Variants in TBX3 observed in about 807,000 individuals in gnomAD.
TBX3 encodes T-box transcription factor TBX3.
A neutral mutation model predicts 47.8 loss-of-function variants in TBX3; 11 were observed. That is an observed-to-expected ratio of 0.23 (90% CI 0.14 to 0.38). The LOEUF is 0.38. Ranked by LOEUF, TBX3 falls within the 10% of genes least tolerant of loss-of-function variation. The pLI, the probability that TBX3 is intolerant of heterozygous loss-of-function variation, is 1.00. For synonymous variants in TBX3, 500 were observed against 449.3 expected (o/e 1.11, Z -1.43); for missense variants, 927 against 1,022.8 (o/e 0.91, Z 1.28).
chr12:114,679,859 G>T, intron 2 of TBX3: 1 of 1,590,972 alleles, frequency 6.3e-7, no homozygotes, highest in East Asian at 2.2e-5. Context: ...TTGCCAAAGG[G>T]CCCCCCCCAC....
At chr12:114,672,587 A>G (rs1473761180) in intron 6 of TBX3, among the ~76,000 whole-genome samples, 1 of 152,038 alleles carries the variant, frequency 6.6e-6, no homozygotes, top group African/African-American at 2.4e-5. Context: ...AAACAGGGAA[A>G]TCATAAGTAA....
intron 1 of TBX3, 120 bp from the exon 2 acceptor site, chr12:114,681,266 A>C (rs1868914594): frequency 7.3e-7 from 1 of 1,379,134 alleles, no homozygotes; most frequent in African/African-American, 1.5e-5. Flanking sequence ...GTGACTGATA[A>C]GCTTACATGT....
chr12:114,674,495 C>T lies in TBX3; in HGVS notation c.1380G>A (p.Ala460=), dbSNP rs982465649. ...CCGCGTCCGTCTGCACCGTGAGCGG[C>T]GCGAAGGCCTCCTTGCCCGGGAGCG... The part of the protein sequence containing the change: ...ARALPGKEAF[A]PLTVQTDAAA... The change falls in exon 6 of 7, where the codon GCG becomes GCA. Residue 460 remains alanine (A), a synonymous_variant. Coordinates refer to ENST00000349155, the MANE Select transcript of TBX3 (RefSeq NM_005996.4). 1 of 1,518,708 alleles carries T rather than the reference C, an allele frequency of 6.6e-7. No individual in the cohort carries two copies. 94.1% of individuals were successfully genotyped at this position (1,518,708 alleles called of 1,614,324 possible). A position where few individuals can be genotyped will look rare whatever the true frequency, so the allele number is the denominator to read the frequency against.
At position 114,674,733 on chromosome 12, in the gene TBX3, T is replaced by G; in HGVS notation, c.1142A>C (p.Glu381Ala). The change falls in exon 6 of 7, where the codon GAG becomes GCG. Residue 381 changes from glutamate (E) to alanine (A), a missense_variant. This residue lies in a region of TBX3 where 623 missense variants were observed against 569.0 expected (regional missense o/e 1.09). Coordinates refer to ENST00000349155, the MANE Select transcript of TBX3 (RefSeq NM_005996.4). ...GCTGCCCTTGTCACGGCAGGGCTCCTCCGACGTGGTGGTGGAGATCTTGGC... is the reference window on the plus strand; with the variant it reads ...GCTGCCCTTGTCACGGCAGGGCTCCGCCGACGTGGTGGTGGAGATCTTGGC... ...DAAKISTTTS[E>A]EPCRDKGSPA... is the part of the protein sequence containing the mutation. 6.3e-7 allele frequency: 1 copy of G among 1,597,548 alleles called. No homozygotes were observed. Among genetic ancestry groups the G allele is most frequent in the Non-Finnish European group, 8.5e-7 (1 of 1,176,148 alleles).
chr12:114,674,628 C>A lies in TBX3; in HGVS notation c.1247G>T (p.Arg416Leu), dbSNP rs2121384685. 1 of 1,605,658 alleles carries A rather than the reference C, an allele frequency of 6.2e-7. No individual in the cohort carries two copies. Among genetic ancestry groups the A allele is most frequent in the Non-Finnish European group, 8.5e-7 (1 of 1,177,978 alleles). ...GGACGAGATGGTGGCGGGGCTATGG[C>A]GTGAGTCGGGCGACGCTTTGTCCAG... is the stretch of plus-strand genomic sequence containing the variant. The part of the protein sequence containing the change: ...GRLDKASPDS[R>L]HSPATISSST... The change falls in exon 6 of 7, where the codon CGC becomes CTC. Residue 416 changes from arginine to leucine, a missense_variant. Around this residue, in one of 5 missense-constraint regions of TBX3, gnomAD observed 623 missense variants for 569.0 expected, o/e 1.09. Coordinates refer to ENST00000349155, the MANE Select transcript of TBX3 (RefSeq NM_005996.4).
Position 114,679,486 on chromosome 12 carries a change from GA to G in TBX3, c.804+18del, listed in dbSNP as rs568882435. 162 of 1,613,990 alleles carry G rather than the reference GA, an allele frequency of 1.0e-4. No individual in the cohort carries two copies. Among genetic ancestry groups the G allele is most frequent in the Non-Finnish European group, 1.3e-4 (148 of 1,180,024 alleles). On this transcript the variant is annotated intron_variant, in intron 3 of 6. Transcript: ENST00000349155. ...AAGGCAAAATATCACCATTAAAAAG[GA>G]AAGCCCCTTGAGTTTACCTTATCAT...
In TBX3 at chr12:114,671,715, C is replaced by T. The variant is rs535005424; in HGVS notation, c.*126G>A. The T allele has an allele frequency of 3.5e-4, 444 of 1,268,996 alleles. 2 individuals carry two copies. The Middle Eastern group carries it at 3.9e-3, about 11-fold the overall frequency. The allele number at this position is 1,268,996 out of a possible 1,614,324, so 78.6% of individuals were successfully genotyped here. On this transcript the variant is annotated 3_prime_UTR_variant, in exon 7 of 7. Coordinates refer to ENST00000349155, the MANE Select transcript of TBX3 (RefSeq NM_005996.4). Reference sequence around the variant, plus strand: ...ACATTCTCTCGAGGGAGTCCGGGGCCCCTTCCCAGACGCAACTGCAAAAGG... The same window carrying T: ...ACATTCTCTCGAGGGAGTCCGGGGCTCCTTCCCAGACGCAACTGCAAAAGG...
Position 114,674,590 on chromosome 12 carries a change from G to A in TBX3, c.1285C>T (p.Leu429=), listed in dbSNP as rs1235530894. 6.3e-7 allele frequency: 1 copy of A among 1,592,472 alleles called. No individual in the cohort carries two copies. Among genetic ancestry groups the A allele is most frequent in the Admixed American group, 1.7e-5 (1 of 58,372 alleles). ...PATISSSTRG[L]GAEERRSPVR... Reference sequence around the variant, plus strand: ...GGGCTCCTGCGCTCCTCCGCGCCCAGGCCGCGAGTGCTGGACGAGATGGTG... The same window carrying A: ...GGGCTCCTGCGCTCCTCCGCGCCCAAGCCGCGAGTGCTGGACGAGATGGTG... Residue 429 remains leucine, a synonymous_variant, in exon 6 of 7, where the codon CTG becomes TTG. Coordinates refer to ENST00000349155, the MANE Select transcript of TBX3 (RefSeq NM_005996.4).
chr12:114,680,506 T>C (rs958591308), intron 2 of TBX3: 8 of 344,822 alleles, frequency 2.3e-5, no homozygotes, highest in Non-Finnish European at 4.3e-5. Context: ...GAGAAAATAA[T>C]ATCACTGGTT....
In TBX3 at chr12:114,670,393, C is replaced by G. The variant is rs1050039294; in HGVS notation, c.*1448G>C. 10 of 221,814 alleles carry G rather than the reference C, an allele frequency of 4.5e-5. No homozygotes were observed. The highest frequency in any genetic ancestry group is 2.2e-4 in the African/African-American group (10 of 44,798). 13.7% of individuals were successfully genotyped at this position (221,814 alleles called of 1,614,324 possible). On this transcript the variant is annotated 3_prime_UTR_variant, in exon 7 of 7. Coordinates refer to ENST00000349155, the MANE Select transcript of TBX3 (RefSeq NM_005996.4). Reference sequence around the variant, plus strand: ...TTTGTCTTTAAACCATCTCTCAGCACCTGACTTTTGAACTGTGAATATATC... The same window carrying G: ...TTTGTCTTTAAACCATCTCTCAGCAGCTGACTTTTGAACTGTGAATATATC...
At position 114,683,790 on chromosome 12, in the gene TBX3, T is replaced by TA. The variant is rs11356115; in HGVS notation, c.-591dup. 7.5e-3 allele frequency: 1,582 copies of TA among 210,732 alleles called. 1 individual carries two copies. Among genetic ancestry groups the TA allele is most frequent in the East Asian group, 0.018 (249 of 13,588 alleles). 13.1% of individuals were successfully genotyped at this position (210,732 alleles called of 1,614,324 possible). On this transcript the variant is annotated 5_prime_UTR_variant, in exon 1 of 7. Coordinates refer to ENST00000349155, the MANE Select transcript of TBX3 (RefSeq NM_005996.4). This position sits in a 1 kb window ranked among gnomAD's most constrained non-coding sequence, Gnocchi z 7.7. Reference sequence around the variant, plus strand: ...GAGAGCGGAAAAAGTCTCTCTCCTTTAAAAAAAAAAAAATCTGATTTAAAC... The same window carrying TA: ...GAGAGCGGAAAAAGTCTCTCTCCTTTAAAAAAAAAAAAAATCTGATTTAAAC...
At position 114,672,120 on chromosome 12, in the gene TBX3, G is replaced by A. The variant is rs757838938; in HGVS notation, c.1893C>T (p.Asp631=). 5.1e-6 allele frequency: 8 copies of A among 1,569,134 alleles called. No homozygotes were observed. In the African/African-American group the frequency reaches 6.8e-5, roughly 13 times the overall value. The part of the protein sequence containing the change: ...SPYSIPVPVP[D]GSSLLTTALP... ...GGGCGGTGGTGAGCAGACTGCTGCC[G>A]TCCGGGACCGGCACCGGGATGGAGT... The change falls in exon 7 of 7, where the codon GAC becomes GAT. Residue 631 remains aspartate, a synonymous_variant. Coordinates refer to ENST00000349155, the MANE Select transcript of TBX3 (RefSeq NM_005996.4).
At chr12:114,677,909 C>G (rs1007000811) in intron 3 of TBX3, among the ~76,000 whole-genome samples, 3 of 152,090 alleles carry the variant, frequency 2.0e-5, no homozygotes, top group African/African-American at 7.2e-5. Context: ...TGGGTTTAGA[C>G]ATGGAAGTGT....
chr12:114,683,407 G>A lies in TBX3; in HGVS notation c.-207C>T, dbSNP rs1473995991. On this transcript the variant is annotated 5_prime_UTR_variant, in exon 1 of 7. Transcript: ENST00000349155. This position sits in a 1 kb window ranked among gnomAD's most constrained non-coding sequence, Gnocchi z 7.7. ...GGGAAGTGTCTTTTGGAGAATGGGA[G>A]GCCGCTTTTAAAGAGGGCAAGGCGA... 2.9e-6 allele frequency: 2 copies of A among 679,596 alleles called. No individual in the cohort carries two copies. The highest frequency in any genetic ancestry group is 2.8e-5 in the East Asian group (1 of 35,502). The allele number at this position is 679,596 out of a possible 1,614,324, so 42.1% of individuals were successfully genotyped here.
At chr12:114,672,789 T>C (rs1868509504) in intron 6 of TBX3, among the ~76,000 whole-genome samples, 1 of 152,046 alleles carries the variant, frequency 6.6e-6, no homozygotes, top group African/African-American at 2.4e-5. Context: ...TTTAAATCTT[T>C]CTTCTTCCCC....
chr12:114,683,008 T>A lies in TBX3; in HGVS notation c.193A>T (p.Met65Leu). 6.2e-7 allele frequency: 1 copy of A among 1,613,420 alleles called. No homozygotes were observed. The highest frequency in any genetic ancestry group is 8.5e-7 in the Non-Finnish European group (1 of 1,179,674). The change falls in exon 1 of 7, where the codon ATG becomes TTG. Residue 65 changes from methionine (M) to leucine (L), a missense_variant. Physicochemically the swap from Met to Leu is conservative, Grantham distance 15. Transcript: ENST00000349155. This position sits in a 1 kb window ranked among gnomAD's most constrained non-coding sequence, Gnocchi z 7.7. ...SLPGALAKPI[M>L]DQLVGAAETG... Reference sequence around the variant, plus strand: ...TCGGCCGCCCCCACCAATTGATCCATGATCGGCTTGGCCAGGGCGCCCGGC... The same window carrying A: ...TCGGCCGCCCCCACCAATTGATCCAAGATCGGCTTGGCCAGGGCGCCCGGC...
chr12:114,677,201 T>C (rs761326118), intron 4 of TBX3, among the ~76,000 whole-genome samples: 2 of 152,256 alleles, frequency 1.3e-5, no homozygotes, highest in Admixed American at 6.5e-5. Context: ...TCCCCAGCTC[T>C]GTCTGATGGT....
chr12:114,679,498 A>G lies in TBX3; in HGVS notation c.804+7T>C. ...CACCATTAAAAAGGAAAGCCCCTTG[A>G]GTTTACCTTATCATTCTGGTATGCA... is the stretch of plus-strand genomic sequence containing the variant. On this transcript the variant is annotated splice_region_variant and intron_variant, in intron 3 of 6. Coordinates refer to ENST00000349155, the MANE Select transcript of TBX3 (RefSeq NM_005996.4). The G allele has an allele frequency of 6.2e-7, 1 of 1,614,144 alleles. No individual in the cohort carries two copies. The highest frequency in any genetic ancestry group is 8.5e-7 in the Non-Finnish European group (1 of 1,180,022).
Position 114,674,522 on chromosome 12 carries a change from G to A in TBX3, c.1353C>T (p.Arg451=), listed in dbSNP as rs1363132726. 4.0e-6 allele frequency: 6 copies of A among 1,516,044 alleles called. No homozygotes were observed. Among genetic ancestry groups the A allele is most frequent in the Middle Eastern group, 1.8e-4 (1 of 5,564 alleles). The allele number at this position is 1,516,044 out of a possible 1,614,324, so 93.9% of individuals were successfully genotyped here. A position where few individuals can be genotyped will look rare whatever the true frequency, so the allele number is the denominator to read the frequency against. ...GTAPAKVEEA[R]ALPGKEAFAP... ...CGAAGGCCTCCTTGCCCGGGAGCGC[G>A]CGCGCCTCTTCCACCTTGGCCGGCG... The change falls in exon 6 of 7, where the codon CGC becomes CGT. Residue 451 remains arginine (R), a synonymous_variant. Transcript: ENST00000349155.
Sources: gnomAD v4.1 joint callset for allele counts (sites outside exome capture counted in the v4.1 genomes callset) on GRCh38, gnomAD v4.1.1 for gene constraint, gnomAD v4.1.1 regional missense constraint, Gnocchi (gnomAD v3.1) non-coding constraint, MANE v1.5 for transcripts, NCBI Gene and HGNC (gene_info 2026-07-23, HGNC 2026-07-21) for gene names.